The following SNX13 variants were observed in gnomAD, a reference collection of about 807,000 sequenced individuals.
SNX13 encodes sorting nexin-13.
SNX13 carries 45 observed loss-of-function variants against 133.6 expected under a neutral mutation model. That is an observed-to-expected ratio of 0.34 (90% CI 0.27 to 0.43). The LOEUF (loss-of-function observed/expected upper bound fraction) is 0.43, where lower values mean the gene tolerates loss of function less well. SNX13 is among the 20% of genes least tolerant of loss of function. The pLI is 1.00. For synonymous variants in SNX13, 414 were observed against 373.9 expected (o/e 1.11, Z -1.24); for missense variants, 1,032 against 1,145.1 (o/e 0.90, Z 1.43).
chr7:17,868,510 C>CA lies in SNX13; in HGVS notation c.754-21dup. The CA allele has an allele frequency of 6.5e-7, 1 of 1,539,504 alleles. No individual in the cohort carries two copies. The highest frequency in any genetic ancestry group is 8.9e-7 in the Non-Finnish European group (1 of 1,127,602). ...GATTTCCTGAAAAAAAAGTAAATAA[C>CA]AAAAACAAATTTAATCTATTTCTGA... On this transcript the variant is annotated intron_variant, in intron 8 of 25. Coordinates refer to ENST00000428135, the MANE Select transcript of SNX13 (RefSeq NM_015132.5).
chr7:17,931,303 G>A (rs192534643), intron 1 of SNX13, among the ~76,000 whole-genome samples: 2 of 152,224 alleles, frequency 1.3e-5, no homozygotes, highest in East Asian at 1.9e-4. Context: ...ATTACAGCTT[G>A]GAGAAACACT....
chr7:17,905,311 T>C (rs1248602439), intron 1 of SNX13, among the ~76,000 whole-genome samples: 1 of 152,196 alleles, frequency 6.6e-6, no homozygotes, highest in Non-Finnish European at 1.5e-5. Flanking sequence ...TAGGTGGGTA[T>C]GTGCTAGGCC....
chr7:17,936,043 T>A (rs1166440348), intron 1 of SNX13, among the ~76,000 whole-genome samples: 1 of 152,176 alleles, frequency 6.6e-6, no homozygotes, highest in Non-Finnish European at 1.5e-5. Context: ...CAGGGAGCCT[T>A]TCTTGATACG....
At chr7:17,835,672 A>G (rs1789051178) in intron 13 of SNX13, among the ~76,000 whole-genome samples, 1 of 152,004 alleles carries the variant, frequency 6.6e-6, no homozygotes, top group Non-Finnish European at 1.5e-5. Flanking sequence ...CAAAAACAAA[A>G]AGCATTATTT....
rs1297599277 is a variant in SNX13, at chr7:17,791,650, A to G, written c.*2395T>C. 1 of 152,138 alleles carries G rather than the reference A, an allele frequency of 6.6e-6. No homozygotes were observed. Among genetic ancestry groups the G allele is most frequent in the Non-Finnish European group, 1.5e-5 (1 of 67,960 alleles). The allele number at this position is 152,138 out of a possible 1,614,324, so 9.4% of individuals were successfully genotyped here. ...ACCACTGACTTAAAAAACATTCAAA[A>G]TCAAATACCAGAAGACATAAAGCCT... On this transcript the variant is annotated 3_prime_UTR_variant, in exon 26 of 26. Coordinates refer to ENST00000428135, the MANE Select transcript of SNX13 (RefSeq NM_015132.5).
intron 20 of SNX13, 116 bp downstream of exon 20, chr7:17,814,718 A>G: frequency 2.5e-6 from 2 of 815,706 alleles, no homozygotes; most frequent in Non-Finnish European, 1.8e-6. Flanking sequence ...CGAGAACTTA[A>G]TAAAATTTTC....
intron 14 of SNX13, 48 bp downstream of exon 14, chr7:17,834,713 A>AT (rs1414726036): frequency 3.1e-6 from 4 of 1,292,858 alleles, no homozygotes; most frequent in Non-Finnish European, 4.3e-6. Flanking sequence ...ACATAAAAGT[A>AT]TTTTTTCTCA....
At chr7:17,922,511 CAAAAAT>C (rs1800234237) in intron 1 of SNX13, among the ~76,000 whole-genome samples, 2 of 152,156 alleles carry the variant, frequency 1.3e-5, no homozygotes, top group Admixed American at 1.3e-4. Flanking sequence ...CTAAGTAAAA[CAAAAAT>C]AGAGTAGAAC....
At position 17,875,598 on chromosome 7, in the gene SNX13, C is replaced by A; in HGVS notation, c.563-17G>T. ...CTGCTGTACCTAAAGAAAAACAATTCAAGATATATAAAATGATGAAAGGAA... is the reference window on the plus strand; with the variant it reads ...CTGCTGTACCTAAAGAAAAACAATTAAAGATATATAAAATGATGAAAGGAA... On this transcript the variant is annotated splice_polypyrimidine_tract_variant and intron_variant, in intron 6 of 25. Coordinates refer to ENST00000428135, the MANE Select transcript of SNX13 (RefSeq NM_015132.5). 6.2e-7 allele frequency: 1 copy of A among 1,609,014 alleles called. No individual in the cohort carries two copies. Among genetic ancestry groups the A allele is most frequent in the South Asian group, 1.1e-5 (1 of 90,158 alleles).
intron 5 of SNX13, among the ~76,000 whole-genome samples, chr7:17,886,611 T>C (rs1467175417): frequency 2.6e-5 from 4 of 151,886 alleles, no homozygotes; most frequent in African/African-American, 9.7e-5. Flanking sequence ...GAATATATTA[T>C]GTACTTTCTG....
chr7:17,890,533 A>C (rs1796513464), intron 4 of SNX13, 49 bp from the exon 5 acceptor site: 7 of 1,429,052 alleles, frequency 4.9e-6, no homozygotes, highest in Non-Finnish European at 6.6e-6. Flanking sequence ...AGGATTTAAA[A>C]AGTTACAGTG....
At chr7:17,824,936 A>G (rs1040239474) in intron 17 of SNX13, among the ~76,000 whole-genome samples, 8 of 151,688 alleles carry the variant, frequency 5.3e-5, no homozygotes, top group Non-Finnish European at 1.2e-4. Context: ...CGCCCAGCTA[A>G]TTTTTGTATT....
At chr7:17,866,930 A>G (rs1158769720) in intron 9 of SNX13, among the ~76,000 whole-genome samples, 1 of 152,232 alleles carries the variant, frequency 6.6e-6, no homozygotes, top group African/African-American at 2.4e-5. Context: ...TGATTTGAAC[A>G]TTATACATTG....
intron 16 of SNX13, among the ~76,000 whole-genome samples, chr7:17,829,216 G>C (rs1788220427): frequency 6.6e-6 from 1 of 151,498 alleles, no homozygotes; most frequent in Admixed American, 6.6e-5. Flanking sequence ...AAAAGAAAAA[G>C]TAATGCAGGT....
At chr7:17,882,844 G>A in intron 5 of SNX13, 1 of 1,284,976 alleles carries the variant, frequency 7.8e-7, no homozygotes, top group Non-Finnish European at 1.0e-6. Context: ...GACACAGTGA[G>A]ACCAAGGTTT....
Position 17,816,298 on chromosome 7 carries a change from C to A in SNX13, c.1846-9G>T, listed in dbSNP as rs1291272003. 6.5e-7 allele frequency: 1 copy of A among 1,533,186 alleles called. No homozygotes were observed. The highest frequency in any genetic ancestry group is 8.8e-7 in the Non-Finnish European group (1 of 1,138,382). The allele number at this position is 1,533,186 out of a possible 1,614,324, so 95.0% of individuals were successfully genotyped here. A position where few individuals can be genotyped will look rare whatever the true frequency, so the allele number is the denominator to read the frequency against. Reference sequence around the variant, plus strand: ...CTTGAGAGACTTTCAAACTGTAAGACAAAATACATTCAATAGCACTTTTTA... The same window carrying A: ...CTTGAGAGACTTTCAAACTGTAAGAAAAAATACATTCAATAGCACTTTTTA... On this transcript the variant is annotated splice_polypyrimidine_tract_variant and intron_variant, in intron 18 of 25. Coordinates refer to ENST00000428135, the MANE Select transcript of SNX13 (RefSeq NM_015132.5).
chr7:17,849,266 C>T lies in SNX13; in HGVS notation c.1065+1081G>A, dbSNP rs532232996. Reference sequence around the variant, plus strand: ...TTATACAGTTGCTCAAACCAAAATACCCTGAAATTATCCTTGAGTTATTTT... The same window carrying T: ...TTATACAGTTGCTCAAACCAAAATATCCTGAAATTATCCTTGAGTTATTTT... On this transcript the variant is annotated intron_variant, in intron 11 of 25. Transcript: ENST00000428135. Among the ~76,000 whole-genome samples, 310 of 152,260 alleles carry T rather than the reference C, an allele frequency of 2.0e-3. 1 individual carries two copies. The highest frequency in any genetic ancestry group is 7.1e-3 in the African/African-American group (297 of 41,554).
intron 20 of SNX13, among the ~76,000 whole-genome samples, chr7:17,806,219 TA>T (rs5882634): frequency 0.98 from 149,879 of 152,292 alleles, 73,758 homozygotes; most frequent in East Asian, 1. Flanking sequence ...TTCACCATGA[TA>T]ACAAAACTGG....
rs116864649 is a variant in SNX13, at chr7:17,832,745, C to A, written c.1597+1307G>T. Among the ~76,000 whole-genome samples the A allele has an allele frequency of 2.0e-5, 3 of 151,348 alleles. No homozygotes were observed. In the East Asian group the frequency reaches 5.8e-4, roughly 29 times the overall value. ...ATTATGCAATCAAAATCAGTTAATA[C>A]ATTATTCCAATTGTACACATAAGTA... is the stretch of plus-strand genomic sequence containing the variant. On this transcript the variant is annotated intron_variant, in intron 15 of 25. Coordinates refer to ENST00000428135, the MANE Select transcript of SNX13 (RefSeq NM_015132.5).
Sources: gnomAD v4.1 joint callset for allele counts (sites outside exome capture counted in the v4.1 genomes callset) on GRCh38, gnomAD v4.1.1 for gene constraint, MANE v1.5 for transcripts, NCBI Gene and HGNC (gene_info 2026-07-23, HGNC 2026-07-21) for gene names.